The following HTR2C variants were observed in gnomAD, a reference collection of about 807,000 sequenced individuals.
HTR2C encodes 5-hydroxytryptamine receptor 2C.
In HTR2C, 5 loss-of-function variants were observed where a neutral mutation model predicts 21.0. That is an observed-to-expected ratio of 0.24 (90% CI 0.12 to 0.50). The LOEUF (loss-of-function observed/expected upper bound fraction) is 0.50. Among genes scored for constraint, HTR2C ranks in the 20% least tolerant of loss-of-function variants. The probability of loss-of-function intolerance (pLI) is 0.98; values close to 1 mark genes in which losing one functional copy is unlikely to be tolerated. For synonymous variants in HTR2C, 150 were observed against 145.3 expected, an observed-to-expected ratio of 1.03 and a Z score of -0.23; for missense variants, 271 against 371.2, an observed-to-expected ratio of 0.73 and a Z score of 2.22.
At chrX:114,853,759 T>C (rs2070937744) in intron 5 of HTR2C, among the ~76,000 whole-genome samples, 1 of 111,918 alleles carries the variant, frequency 8.9e-6, no homozygotes, top group Non-Finnish European at 1.9e-5. Flanking sequence ...TGTTATTATC[T>C]GATATGGTTA....
At chrX:114,893,047 G>A (rs1283380605) in intron 5 of HTR2C, among the ~76,000 whole-genome samples, 1 of 108,696 alleles carries the variant, frequency 9.2e-6, no homozygotes, top group African/African-American at 3.4e-5. Flanking sequence ...CAAGTAGCTG[G>A]GATTACAGGC....
At chrX:114,802,704 T>A (rs2070360196) in intron 4 of HTR2C, among the ~76,000 whole-genome samples, 1 of 98,410 alleles carries the variant, frequency 1.0e-5, no homozygotes, top group African/African-American at 3.7e-5. Context: ...CTTTCTTTCT[T>A]TCTTTCTTTC....
rs918409174 is a variant in HTR2C, at chrX:114,657,749, G to A, written c.-80+43868G>A. 4.5e-5 allele frequency among the ~76,000 whole-genome samples: 5 copies of A among 111,038 alleles called. No homozygotes were observed. The South Asian group carries it at 1.1e-3, about 25-fold the overall frequency. ...AAGTTTTAGGGTACTTGTGCACAACGTGCAGGTTAGTTACATATGTATTAT... is the reference window on the plus strand; with the variant it reads ...AAGTTTTAGGGTACTTGTGCACAACATGCAGGTTAGTTACATATGTATTAT... On this transcript the variant is annotated intron_variant, in intron 2 of 5. Transcript: ENST00000276198.
chrX:114,622,388 A>T (rs1556401963), intron 2 of HTR2C, among the ~76,000 whole-genome samples: 1 of 111,729 alleles, frequency 9.0e-6, no homozygotes, highest in Non-Finnish European at 1.9e-5. Flanking sequence ...CTACAAAAAA[A>T]AACCAGAGCT....
intron 5 of HTR2C, among the ~76,000 whole-genome samples, chrX:114,860,852 C>T (rs1469942901): frequency 9.0e-6 from 1 of 111,113 alleles, no homozygotes; most frequent in Admixed American, 9.7e-5. Flanking sequence ...TGTCCCTGAA[C>T]AATCACTGAT....
intron 1 of HTR2C, among the ~76,000 whole-genome samples, chrX:114,607,216 G>C: frequency 8.9e-6 from 1 of 112,210 alleles, no homozygotes; most frequent in Admixed American, 9.4e-5. Context: ...GGATGCAATG[G>C]CTTGGCTTGG....
intron 2 of HTR2C, among the ~76,000 whole-genome samples, chrX:114,614,285 G>C (rs1401826578): frequency 2.7e-5 from 3 of 109,317 alleles, no homozygotes; most frequent in African/African-American, 1.0e-4. Flanking sequence ...TCTTGAGATG[G>C]AGTCTCATTC....
chrX:114,822,085 G>T (rs1473838855), intron 4 of HTR2C, among the ~76,000 whole-genome samples: 5 of 110,486 alleles, frequency 4.5e-5, no homozygotes, highest in Admixed American at 2.9e-4. Flanking sequence ...GACCTCAGGT[G>T]ATCCACCCAC....
chrX:114,631,306 GAAAAAAA>G (rs782282180), intron 2 of HTR2C, among the ~76,000 whole-genome samples: 1 of 89,590 alleles, frequency 1.1e-5, no homozygotes, highest in East Asian at 3.6e-4. Context: ...CCGTCTCAAA[GAAAAAAA>G]AAAAAAAAAG....
intron 5 of HTR2C, among the ~76,000 whole-genome samples, chrX:114,886,850 A>G (rs187977570): frequency 9.0e-6 from 1 of 111,324 alleles, no homozygotes; most frequent in Non-Finnish European, 1.9e-5. Context: ...ATGTAGAATC[A>G]TTTATTTAGC....
At chrX:114,625,422 G>A (rs1929335364) in intron 2 of HTR2C, among the ~76,000 whole-genome samples, 1 of 111,168 alleles carries the variant, frequency 9.0e-6, no homozygotes, top group South Asian at 3.8e-4. Flanking sequence ...CTCTTGCTCT[G>A]TTAGACACCA....
intron 2 of HTR2C, among the ~76,000 whole-genome samples, chrX:114,657,954 C>A (rs1231387900): frequency 9.0e-6 from 1 of 110,712 alleles, no homozygotes; most frequent in African/African-American, 3.3e-5. Flanking sequence ...AAGACCTAAT[C>A]TATCTAGAAT....
At position 114,651,037 on chromosome X, in the gene HTR2C, C is replaced by T. The variant is rs1232789275; in HGVS notation, c.-80+37156C>T. ...TACAGAACACTTTTGCATGTATGAACTCCGTTAGTATTTTACATGATATCT... is the reference window on the plus strand; with the variant it reads ...TACAGAACACTTTTGCATGTATGAATTCCGTTAGTATTTTACATGATATCT... On this transcript the variant is annotated intron_variant, in intron 2 of 5. Coordinates refer to ENST00000276198, the MANE Select transcript of HTR2C (RefSeq NM_000868.4). Among the ~76,000 whole-genome samples the T allele has an allele frequency of 2.7e-5, 3 of 111,985 alleles. No homozygotes were observed. The Admixed American group carries it at 2.9e-4, about 11-fold the overall frequency.
rs56175633 is a variant in HTR2C at position 114,603,842 on chromosome X, G to A, written c.-146-9973G>A. Among the ~76,000 whole-genome samples, 717 of 99,342 alleles carry A rather than the reference G, an allele frequency of 7.2e-3. 7 individuals carry two copies. Among genetic ancestry groups the A allele is most frequent in the African/African-American group, 0.025 (672 of 26,876 alleles). 86.3% of individuals were successfully genotyped at this position (99,342 alleles called of 115,157 possible). A position where few individuals can be genotyped will look rare whatever the true frequency, so the allele number is the denominator to read the frequency against. On this transcript the variant is annotated intron_variant, in intron 1 of 5. Transcript: ENST00000276198. ...AGGTATTGAAGATAGGAGAGTATATGGGTTTGGCACCAAGGGGTGGATAGG... is the reference window on the plus strand; with the variant it reads ...AGGTATTGAAGATAGGAGAGTATATAGGTTTGGCACCAAGGGGTGGATAGG...
intron 2 of HTR2C, among the ~76,000 whole-genome samples, chrX:114,660,705 T>C (rs1556410001): frequency 8.9e-6 from 1 of 112,424 alleles, no homozygotes; most frequent in Non-Finnish European, 1.9e-5. Context: ...ATAATAGATT[T>C]GAAGTACAAT....
At chrX:114,646,318 T>C (rs1240367396) in intron 2 of HTR2C, among the ~76,000 whole-genome samples, 2 of 112,025 alleles carry the variant, frequency 1.8e-5, no homozygotes, top group Non-Finnish European at 3.8e-5. Flanking sequence ...GGCTAAATTG[T>C]CTTTAATTTT....
At chrX:114,611,271 C>T (rs1253241313) in intron 1 of HTR2C, among the ~76,000 whole-genome samples, 3 of 112,034 alleles carry the variant, frequency 2.7e-5, no homozygotes, top group Non-Finnish European at 5.6e-5. Context: ...CATTCCCTCC[C>T]AGGGTACTTG....
Position 114,790,803 on chromosome X carries a change from A to T in HTR2C, c.350-57200A>T, listed in dbSNP as rs1314621631. 7.2e-5 allele frequency among the ~76,000 whole-genome samples: 8 copies of T among 111,859 alleles called. No individual in the cohort carries two copies. In the Admixed American group the frequency reaches 7.6e-4, roughly 11 times the overall value. On this transcript the variant is annotated intron_variant, in intron 4 of 5. Transcript: ENST00000276198. The stretch of plus-strand genomic sequence containing the variant: ...TGAATTACATGAAGATTTAATCACA[A>T]AAAAGAGTATTTTGCCCATTTCTTC...
At chrX:114,841,714 C>T (rs1556465693) in intron 4 of HTR2C, among the ~76,000 whole-genome samples, 1 of 97,848 alleles carries the variant, frequency 1.0e-5, no homozygotes, top group Non-Finnish European at 2.1e-5. Context: ...GCACTCCAGC[C>T]TGGGTGACAG....
Sources: allele counts gnomAD v4.1 joint callset (sites outside exome capture counted in the v4.1 genomes callset), GRCh38; gene constraint gnomAD v4.1.1; transcripts MANE v1.5; gene names NCBI Gene and HGNC (gene_info 2026-07-23, HGNC 2026-07-21).